KCNMA1: variants seen among roughly 807,000 people sequenced by gnomAD.
The protein encoded by KCNMA1 is Calcium-activated potassium channel subunit alpha-1.
Under a neutral mutation model 140.0 loss-of-function variants are expected in KCNMA1, and 29 were observed. The ratio of observed to expected loss-of-function variants is 0.21; its 90% CI spans 0.15 to 0.28. The LOEUF (loss-of-function observed/expected upper bound fraction) is 0.28, where lower values mean the gene tolerates loss of function less well. KCNMA1 is among the 10% of genes least tolerant of loss of function. The pLI, the probability that KCNMA1 is intolerant of heterozygous loss-of-function variation, is 1.00. For synonymous variants in KCNMA1, 612 were observed against 611.9 expected (o/e 1.00, Z 0.00); for missense variants, 880 against 1,602.2 (o/e 0.55, Z 7.70).
intron 2 of KCNMA1, among the ~76,000 whole-genome samples, chr10:77,255,639 C>A (rs960163476): frequency 6.7e-6 from 1 of 150,314 alleles, no homozygotes; most frequent in Non-Finnish European, 1.5e-5. Flanking sequence ...GTGGGCTGGG[C>A]ATGGTGGCTC....
At chr10:77,429,595 A>C (rs1031784933) in intron 1 of KCNMA1, among the ~76,000 whole-genome samples, 1 of 152,150 alleles carries the variant, frequency 6.6e-6, no homozygotes, top group Admixed American at 6.5e-5. Flanking sequence ...ATCACTGCAT[A>C]TTGTACCCTC....
At chr10:77,242,451 T>C (rs890115179) in intron 3 of KCNMA1, among the ~76,000 whole-genome samples, 1 of 152,308 alleles carries the variant, frequency 6.6e-6, no homozygotes, top group Admixed American at 6.5e-5. Context: ...TTCTGTCTAT[T>C]CAACTCAAAA....
At position 77,074,698 on chromosome 10, in the gene KCNMA1, G is replaced by A. The variant is rs528669979; in HGVS notation, c.1594-1446C>T. Among the ~76,000 whole-genome samples, 7 of 152,220 alleles carry A rather than the reference G, an allele frequency of 4.6e-5. 1 individual carries two copies. The highest frequency in any genetic ancestry group is 4.6e-4 in the Admixed American group (7 of 15,296). ...TAAGGATGTAATTTGTCTACCAAAC[G>A]GAGAAGGTTACCTTAAAAAATGAAA... On this transcript the variant is annotated intron_variant, in intron 13 of 27. Transcript: ENST00000286628.
chr10:77,081,906 C>G (rs1390620918), intron 12 of KCNMA1, among the ~76,000 whole-genome samples: 1 of 150,410 alleles, frequency 6.6e-6, no homozygotes. Flanking sequence ...CATTTTTAAC[C>G]CTGAACTTCC....
intron 1 of KCNMA1, among the ~76,000 whole-genome samples, chr10:77,573,752 CA>C (rs937494261): frequency 2.2e-4 from 34 of 151,278 alleles, no homozygotes; most frequent in African/African-American, 8.3e-4. Flanking sequence ...TCAACAGGGA[CA>C]GAAGCTTCTG....
chr10:77,146,738 AGAAG>A (rs60560401), intron 5 of KCNMA1, among the ~76,000 whole-genome samples: 12,294 of 136,328 alleles, frequency 0.09, 1,719 homozygotes, highest in East Asian at 0.65. Flanking sequence ...AAAGAAAGAA[AGAAG>A]GAAAGAAAAA....
intron 23 of KCNMA1, among the ~76,000 whole-genome samples, chr10:76,915,430 A>G (rs117978826): frequency 0.015 from 2,321 of 152,258 alleles, 19 homozygotes; most frequent in Non-Finnish European, 0.022. Context: ...AGAGCAGTGC[A>G]TATCACTGCT....
rs12569845 is a variant in KCNMA1, at chr10:77,354,232, A to T, written c.540+49630T>A. 3.0e-4 allele frequency among the ~76,000 whole-genome samples: 46 copies of T among 152,316 alleles called. No individual in the cohort carries two copies. In the East Asian group the frequency reaches 7.5e-3, roughly 25 times the overall value. Reference sequence around the variant, plus strand: ...ATGGTCTCGATCTCTTGACCTCGTGATCTGCCTGCCTCAGCATCCCAAAGT... The same window carrying T: ...ATGGTCTCGATCTCTTGACCTCGTGTTCTGCCTGCCTCAGCATCCCAAAGT... On this transcript the variant is annotated intron_variant, in intron 2 of 27. Transcript: ENST00000286628.
intron 3 of KCNMA1, among the ~76,000 whole-genome samples, chr10:77,197,624 C>T (rs1248135491): frequency 6.6e-6 from 1 of 152,204 alleles, no homozygotes; most frequent in East Asian, 1.9e-4. Context: ...TGCTTTAATT[C>T]ATGCATGCGT....
At chr10:76,955,197 C>CTTTTTT (rs60670000) in intron 20 of KCNMA1, among the ~76,000 whole-genome samples, 1 of 141,168 alleles carries the variant, frequency 7.1e-6, no homozygotes, top group African/African-American at 2.6e-5. Flanking sequence ...TTTCTTTTTT[C>CTTTTTT]TTTTTTTTTT....
intron 2 of KCNMA1, among the ~76,000 whole-genome samples, chr10:77,334,434 C>G (rs2087962380): frequency 6.6e-6 from 1 of 152,218 alleles, no homozygotes; most frequent in African/African-American, 2.4e-5. Flanking sequence ...CCACCTTGCA[C>G]TGTTTTCTTA....
At chr10:77,260,827 A>AGG (rs2061809587) in intron 2 of KCNMA1, among the ~76,000 whole-genome samples, 1 of 152,238 alleles carries the variant, frequency 6.6e-6, no homozygotes, top group Non-Finnish European at 1.5e-5. Context: ...TGGCAGATAT[A>AGG]GGGAGCATTA....
intron 14 of KCNMA1, among the ~76,000 whole-genome samples, chr10:77,042,380 A>T (rs2094774855): frequency 6.6e-6 from 1 of 152,232 alleles, no homozygotes; most frequent in Non-Finnish European, 1.5e-5. Context: ...TGCCTTAGTA[A>T]AAAAATGTTG....
At chr10:77,555,062 A>ACACACACACACACACACACACACACG (rs537653183) in intron 1 of KCNMA1, among the ~76,000 whole-genome samples, 106 of 152,008 alleles carry the variant, frequency 7.0e-4, no homozygotes, top group African/African-American at 2.1e-3. Flanking sequence ...CCACATACAC[A>ACACACACACACACACACACACACACG]CACGCACGCA....
chr10:77,356,295 C>A (rs1157597583), intron 2 of KCNMA1, among the ~76,000 whole-genome samples: 1 of 152,138 alleles, frequency 6.6e-6, no homozygotes, highest in Admixed American at 6.5e-5. Context: ...TGAAAAATAT[C>A]AATAACGGAA....
chr10:77,090,117 A>G (rs1252902771), intron 10 of KCNMA1, among the ~76,000 whole-genome samples: 14 of 151,614 alleles, frequency 9.2e-5, no homozygotes, highest in Admixed American at 9.2e-4. Context: ...TGGACCCACA[A>G]TGAGCTCCAC....
At chr10:77,453,802 A>C (rs191260853) in intron 1 of KCNMA1, among the ~76,000 whole-genome samples, 1 of 152,184 alleles carries the variant, frequency 6.6e-6, no homozygotes, top group Admixed American at 6.5e-5. Flanking sequence ...TGTGAAAGCT[A>C]TCCAAGGTGG....
chr10:76,918,693 G>T (rs768698909), intron 23 of KCNMA1, among the ~76,000 whole-genome samples: 1 of 152,034 alleles, frequency 6.6e-6, no homozygotes, highest in Non-Finnish European at 1.5e-5. Flanking sequence ...ATTCCTCAAA[G>T]AACTAAAAGT....
chr10:77,312,312 G>A (rs542294126), intron 2 of KCNMA1, among the ~76,000 whole-genome samples: 1 of 152,316 alleles, frequency 6.6e-6, no homozygotes, highest in South Asian at 2.1e-4. Context: ...AGAGAGGAAG[G>A]ACAGAAAAGT....
Sources: gnomAD v4.1 joint callset for allele counts (sites outside exome capture counted in the v4.1 genomes callset) on GRCh38, gnomAD v4.1.1 for gene constraint, MANE v1.5 for transcripts, NCBI Gene and HGNC (gene_info 2026-07-23, HGNC 2026-07-21) for gene names.